The following IRAG1 variants were observed in gnomAD, a reference collection of about 807,000 sequenced individuals.
IRAG1 encodes the protein inositol 1,4,5-triphosphate receptor associated 1.
IRAG1 carries 62 observed loss-of-function variants against 106.2 expected under a neutral mutation model. The observed-to-expected ratio is 0.58, with a 90% confidence interval of 0.48 to 0.72. The LOEUF is 0.72. Among genes scored for constraint, IRAG1 ranks in the 30% least tolerant of loss-of-function variants. The pLI is 0.00. For missense variants in IRAG1, 1,064 were observed against 1,140.7 expected, an observed-to-expected ratio of 0.93 and a Z score of 0.97; for synonymous variants, 462 against 443.9, an observed-to-expected ratio of 1.04 and a Z score of -0.51.
intron 13 of IRAG1, 60 bp downstream of exon 13, chr11:10,604,345 G>A: frequency 6.2e-7 from 1 of 1,603,226 alleles, no homozygotes; most frequent in Admixed American, 1.7e-5. Flanking sequence ...ATGACACCCT[G>A]TATGGCCCTT....
chr11:10,649,910 T>C (rs527733726), intron 2 of IRAG1, among the ~76,000 whole-genome samples: 2 of 152,186 alleles, frequency 1.3e-5, no homozygotes, highest in South Asian at 2.1e-4. Flanking sequence ...TCAAGTGCCA[T>C]GATTCTCTCT....
rs1396095362 is a variant in IRAG1, at chr11:10,665,135, T to C, written c.68-12953A>G. Reference sequence around the variant, plus strand: ...CTCTACTGTGCTGCTTACCTAACCCTAACCCTAACCCTAACCCTGAGAGTT... The same window carrying C: ...CTCTACTGTGCTGCTTACCTAACCCCAACCCTAACCCTAACCCTGAGAGTT... On this transcript the variant is annotated intron_variant, in intron 1 of 20. Coordinates refer to ENST00000423302, the MANE Select transcript of IRAG1 (RefSeq NM_130385.4). The surrounding 1 kb of genome is among the most constrained non-coding windows in gnomAD (Gnocchi z 4.2). 6.6e-6 allele frequency among the ~76,000 whole-genome samples: 1 copy of C among 152,072 alleles called. No homozygotes were observed. The highest frequency in any genetic ancestry group is 1.5e-5 in the Non-Finnish European group (1 of 68,010).
At position 10,580,592 on chromosome 11, in the gene IRAG1, G is replaced by A. The variant is rs764830068; in HGVS notation, c.2361-3C>T. Reference sequence around the variant, plus strand: ...TCTTCTTTAGACCTTCTTGGAATCTGGGGGGCAAAAAGGAACAGTTGAGTC... The same window carrying A: ...TCTTCTTTAGACCTTCTTGGAATCTAGGGGGCAAAAAGGAACAGTTGAGTC... On this transcript the variant is annotated splice_polypyrimidine_tract_variant and splice_region_variant and intron_variant, in intron 19 of 20. Coordinates refer to ENST00000423302, the MANE Select transcript of IRAG1 (RefSeq NM_130385.4). The A allele has an allele frequency of 1.2e-5, 20 of 1,610,120 alleles. No homozygotes were observed. Among genetic ancestry groups the A allele is most frequent in the Non-Finnish European group, 1.6e-5 (19 of 1,178,836 alleles).
intron 2 of IRAG1, among the ~76,000 whole-genome samples, chr11:10,640,565 C>A (rs1857439830): frequency 6.6e-6 from 1 of 152,202 alleles, no homozygotes; most frequent in African/African-American, 2.4e-5. Flanking sequence ...GTTTTTCACT[C>A]TATCAGGGAC....
rs909601961 is a variant in IRAG1 at position 10,665,219 on chromosome 11, GA to G, written c.68-13038del. ...TTACCCTAAGTTATTCCCTAACTTAGAATATCACCATGCCCTTTTCCTCAGA... is the reference window on the plus strand; with the variant it reads ...TTACCCTAAGTTATTCCCTAACTTAGATATCACCATGCCCTTTTCCTCAGA... On this transcript the variant is annotated intron_variant, in intron 1 of 20. Coordinates refer to ENST00000423302, the MANE Select transcript of IRAG1 (RefSeq NM_130385.4). This position sits in a 1 kb window ranked among gnomAD's most constrained non-coding sequence, Gnocchi z 4.2. 5.9e-5 allele frequency among the ~76,000 whole-genome samples: 9 copies of G among 152,270 alleles called. No individual in the cohort carries two copies. The highest frequency in any genetic ancestry group is 2.0e-4 in the Admixed American group (3 of 15,296).
chr11:10,607,015 C>T (rs1369021323), intron 11 of IRAG1, among the ~76,000 whole-genome samples: 1 of 152,170 alleles, frequency 6.6e-6, no homozygotes, highest in Non-Finnish European at 1.5e-5. Flanking sequence ...CCAGCGTGCT[C>T]ATCTGCAAAA....
chr11:10,616,323 A>G (rs1462955913), intron 10 of IRAG1, among the ~76,000 whole-genome samples: 1 of 151,944 alleles, frequency 6.6e-6, no homozygotes, highest in Non-Finnish European at 1.5e-5. Context: ...CCACTTTTAC[A>G]TATATGTCTA....
chr11:10,609,715 A>C lies in IRAG1; in HGVS notation c.1571+13T>G. The C allele has an allele frequency of 6.2e-7, 1 of 1,612,028 alleles. No homozygotes were observed. The highest frequency in any genetic ancestry group is 1.7e-4 in the Middle Eastern group (1 of 6,056). ...CGGTACAGGGCCTTCTGTAACCCAC[A>C]TCCTGATTTTACCTTCCAGGGAGAC... is the stretch of plus-strand genomic sequence containing the variant. On this transcript the variant is annotated intron_variant, in intron 11 of 20. Coordinates refer to ENST00000423302, the MANE Select transcript of IRAG1 (RefSeq NM_130385.4).
At chr11:10,646,981 A>G (rs1300173729) in intron 2 of IRAG1, among the ~76,000 whole-genome samples, 1 of 152,188 alleles carries the variant, frequency 6.6e-6, no homozygotes, top group Non-Finnish European at 1.5e-5. Context: ...AGGGGCATAG[A>G]CAGGCATGTG....
At chr11:10,600,586 C>A (rs1853882968) in intron 15 of IRAG1, among the ~76,000 whole-genome samples, 1 of 152,246 alleles carries the variant, frequency 6.6e-6, no homozygotes, top group African/African-American at 2.4e-5. Flanking sequence ...GATCCCAAAG[C>A]ACACGGACTG....
intron 1 of IRAG1, among the ~76,000 whole-genome samples, chr11:10,664,338 T>C (rs571365543): frequency 2.0e-4 from 30 of 152,188 alleles, no homozygotes; most frequent in Admixed American, 6.5e-4. Context: ...TCCAAAGCCA[T>C]GGAAATAGGC....
At chr11:10,690,342 C>T (rs1861964752) in intron 1 of IRAG1, 1 of 1,263,358 alleles carries the variant, frequency 7.9e-7, no homozygotes, top group Non-Finnish European at 1.0e-6. Context: ...CACTGCACTC[C>T]AGCCTGGGTG....
At chr11:10,672,941 A>G (rs997978198) in intron 1 of IRAG1, among the ~76,000 whole-genome samples, 1 of 152,256 alleles carries the variant, frequency 6.6e-6, no homozygotes, top group African/African-American at 2.4e-5. Context: ...TAATTAATGG[A>G]TGAATAAAAT....
chr11:10,618,998 T>A (rs1168894534), intron 10 of IRAG1, among the ~76,000 whole-genome samples: 1 of 152,084 alleles, frequency 6.6e-6, no homozygotes, highest in East Asian at 1.9e-4. Context: ...TGCAGGCTGT[T>A]GAGTTAGCCA....
chr11:10,646,834 T>C (rs956156851), intron 2 of IRAG1, among the ~76,000 whole-genome samples: 2 of 152,142 alleles, frequency 1.3e-5, no homozygotes, highest in African/African-American at 4.8e-5. Flanking sequence ...GTGGCCTGTG[T>C]TTCTAGGAGT....
intron 4 of IRAG1, among the ~76,000 whole-genome samples, chr11:10,630,758 G>A (rs376971345): frequency 2.0e-5 from 3 of 152,342 alleles, no homozygotes; most frequent in African/African-American, 7.2e-5. Context: ...TGTCTGCAGT[G>A]AACAGCTCCC....
At chr11:10,690,158 G>A in intron 1 of IRAG1, 1 of 287,508 alleles carries the variant, frequency 3.5e-6, no homozygotes, top group Non-Finnish European at 6.8e-6. Flanking sequence ...GGGAGGCTGA[G>A]GTGGGCTGAT....
chr11:10,624,416 A>G (rs1856073580), intron 9 of IRAG1, among the ~76,000 whole-genome samples: 1 of 152,132 alleles, frequency 6.6e-6, no homozygotes, highest in South Asian at 2.1e-4. Flanking sequence ...GAGGCCTGAG[A>G]ATTGCTGGCT....
In IRAG1 at chr11:10,628,756, G is replaced by C. The variant is rs373371120; in HGVS notation, c.647C>G (p.Pro216Arg). 6.5e-7 allele frequency: 1 copy of C among 1,538,212 alleles called. No homozygotes were observed. The highest frequency in any genetic ancestry group is 2.5e-5 in the East Asian group (1 of 39,994). ...CCCGGGCAGCTGGGCCTCACCTGGC[G>C]GGGTGGGGACTGTAAGTGAGTTGCT... ...SRSNSLTVPT[P>R]PGLDVCSGPP... The change falls in exon 6 of 21, where the codon CCG becomes CGG. Residue 216 changes from proline to arginine, a missense_variant. By Grantham distance (103) the Pro-to-Arg change is moderately radical. Transcript: ENST00000423302. This position sits in a 1 kb window ranked among gnomAD's most constrained non-coding sequence, Gnocchi z 4.1.
Sources: gnomAD v4.1 joint callset for allele counts (sites outside exome capture counted in the v4.1 genomes callset) on GRCh38, gnomAD v4.1.1 for gene constraint, Gnocchi (gnomAD v3.1) non-coding constraint, MANE v1.5 for transcripts, NCBI Gene and HGNC (gene_info 2026-07-23, HGNC 2026-07-21) for gene names.